KALRN: variants seen among roughly 807,000 people sequenced by gnomAD.
The protein encoded by KALRN is kalirin RhoGEF kinase, also known as kalirin.
In KALRN, 70 loss-of-function variants were observed where a neutral mutation model predicts 353.7. That is an observed-to-expected ratio of 0.20 (90% CI 0.16 to 0.24). The LOEUF (loss-of-function observed/expected upper bound fraction) is 0.24. Ranked by LOEUF, KALRN falls within the 10% of genes least tolerant of loss-of-function variation. The pLI is 1.00. For synonymous variants in KALRN, 1,391 were observed against 1,434.8 expected (o/e 0.97, Z 0.69); for missense variants, 2,791 against 3,756.7 (o/e 0.74, Z 6.72).
intron 34 of KALRN, among the ~76,000 whole-genome samples, chr3:124,619,723 A>G (rs138909147): frequency 8.6e-5 from 13 of 152,026 alleles, no homozygotes; most frequent in African/African-American, 2.9e-4. Context: ...CTAAGCTCAA[A>G]TGATTCGCCC....
chr3:124,613,832 A>G (rs1478730606), intron 34 of KALRN, among the ~76,000 whole-genome samples: 1 of 152,186 alleles, frequency 6.6e-6, no homozygotes, highest in African/African-American at 2.4e-5. Context: ...TTCTGTTTCC[A>G]TTCTTCAGCC....
intron 34 of KALRN, among the ~76,000 whole-genome samples, chr3:124,568,014 T>C (rs1207781352): frequency 6.6e-6 from 1 of 152,104 alleles, no homozygotes; most frequent in Non-Finnish European, 1.5e-5. Context: ...TTAGTGATTC[T>C]GATGTTCCCT....
chr3:124,185,465 C>A (rs558560717), intron 1 of KALRN, among the ~76,000 whole-genome samples: 1 of 152,266 alleles, frequency 6.6e-6, no homozygotes, highest in South Asian at 2.1e-4. Context: ...TCCCTGCTAC[C>A]TTTGTCTTTC....
chr3:124,078,124 C>G (rs1472177475), intron 1 of KALRN, among the ~76,000 whole-genome samples: 4 of 152,216 alleles, frequency 2.6e-5, no homozygotes, highest in Non-Finnish European at 5.9e-5. Context: ...TTGGTGATCT[C>G]TGTGCCTTTG....
chr3:124,387,242 T>C (rs1331486103), intron 11 of KALRN, among the ~76,000 whole-genome samples: 2 of 152,210 alleles, frequency 1.3e-5, no homozygotes, highest in African/African-American at 4.8e-5. Flanking sequence ...AGCTTGGTCG[T>C]GTTTGAACCT....
intron 1 of KALRN, among the ~76,000 whole-genome samples, chr3:124,074,193 G>A (rs2060153978): frequency 6.6e-6 from 1 of 152,150 alleles, no homozygotes; most frequent in Non-Finnish European, 1.5e-5. Context: ...AGACAGAGAT[G>A]CAGTAACAAA....
At chr3:124,640,798 C>T (rs1407691771) in intron 37 of KALRN, among the ~76,000 whole-genome samples, 7 of 152,162 alleles carry the variant, frequency 4.6e-5, no homozygotes, top group African/African-American at 1.7e-4. Context: ...TTGCAAAGAG[C>T]AACTAACTCT....
At chr3:124,602,346 G>A (rs3863070) in intron 34 of KALRN, among the ~76,000 whole-genome samples, 67,097 of 151,848 alleles carry the variant, frequency 0.44, 15,495 homozygotes, top group East Asian at 0.83. Context: ...TCTTATTGTC[G>A]GACCTACCCT....
intron 18 of KALRN, 108 bp downstream of exon 18, chr3:124,439,145 C>G (rs1037454248): frequency 9.6e-7 from 1 of 1,036,646 alleles, no homozygotes; most frequent in East Asian, 2.6e-5. Context: ...CTCTCTTTCT[C>G]TTTCTCTCTC....
At chr3:124,138,333 AAG>A (rs1298084659) in intron 1 of KALRN, among the ~76,000 whole-genome samples, 5 of 152,196 alleles carry the variant, frequency 3.3e-5, no homozygotes, top group Non-Finnish European at 7.3e-5. Flanking sequence ...CTCTGACTAA[AAG>A]AGGGGGAGGG....
At position 124,043,206 on chromosome 3, in the gene KALRN, G is replaced by A. The variant is rs146316901; in HGVS notation, c.73+9393G>A. ...GTGGAATTCAAATTCCAAGGGGAAT[G>A]AGGAGTGAGCGCATGGGGAGGAAGT... On this transcript the variant is annotated intron_variant, in intron 1 of 59. Coordinates refer to ENST00000682506, the MANE Select transcript of KALRN (RefSeq NM_001388419.1). Among the ~76,000 whole-genome samples the A allele has an allele frequency of 1.5e-3, 232 of 152,320 alleles. 1 individual carries two copies. Among genetic ancestry groups the A allele is most frequent in the African/African-American group, 5.2e-3 (215 of 41,562 alleles).
At chr3:124,615,825 G>A (rs1310096823) in intron 34 of KALRN, among the ~76,000 whole-genome samples, 1 of 152,142 alleles carries the variant, frequency 6.6e-6, no homozygotes, top group East Asian at 1.9e-4. Context: ...GAAGAGCACA[G>A]ACTTGGAAAG....
intron 3 of KALRN, among the ~76,000 whole-genome samples, chr3:124,239,585 C>T (rs2080197292): frequency 6.6e-6 from 1 of 152,186 alleles, no homozygotes; most frequent in Non-Finnish European, 1.5e-5. Flanking sequence ...GGTGCCTTTA[C>T]TTGTGGCCTA....
intron 1 of KALRN, among the ~76,000 whole-genome samples, chr3:124,127,180 A>G (rs530209637): frequency 1.3e-5 from 2 of 152,178 alleles, no homozygotes; most frequent in Admixed American, 1.3e-4. Flanking sequence ...TTGCGACTCT[A>G]TTGCTTCTCC....
chr3:124,388,335 AT>A (rs921549986), intron 11 of KALRN, among the ~76,000 whole-genome samples: 167 of 149,654 alleles, frequency 1.1e-3, no homozygotes, highest in African/African-American at 3.8e-3. Flanking sequence ...CTTAGACATC[AT>A]TTTTTTTTTC....
intron 11 of KALRN, among the ~76,000 whole-genome samples, chr3:124,390,472 C>G (rs1444030616): frequency 6.6e-6 from 1 of 152,152 alleles, no homozygotes; most frequent in Non-Finnish European, 1.5e-5. Context: ...CCTCTATCCG[C>G]CAACTCTGGA....
intron 34 of KALRN, among the ~76,000 whole-genome samples, chr3:124,597,280 T>C (rs2149415670): frequency 6.6e-6 from 1 of 152,142 alleles, no homozygotes; most frequent in Non-Finnish European, 1.5e-5. Context: ...CCCGAGTTGG[T>C]CCCAAGTAAA....
At chr3:124,241,116 A>G (rs936118275) in intron 3 of KALRN, among the ~76,000 whole-genome samples, 12 of 152,266 alleles carry the variant, frequency 7.9e-5, no homozygotes, top group African/African-American at 2.4e-4. Flanking sequence ...TCTATCCTCA[A>G]TGCTACCTAG....
Position 124,491,338 on chromosome 3 carries a change from G to A in KALRN, c.4603G>A (p.Val1535Met), listed in dbSNP as rs1179323692. The A allele has an allele frequency of 3.1e-6, 5 of 1,606,490 alleles. No homozygotes were observed. Among genetic ancestry groups the A allele is most frequent in the Admixed American group, 1.7e-5 (1 of 59,246 alleles). Residue 1535 changes from valine (V) to methionine (M), a missense_variant, in exon 31 of 60, where the codon GTG (valine) becomes ATG (methionine). Physicochemically the swap from Val to Met is conservative, Grantham distance 21 (BLOSUM62 1). Transcript: ENST00000682506. ...KNKLLTSELG[V>M]TEHVEGDPCK... is the part of the protein sequence containing the mutation. ...CTGTCTACAGACCTCAGAGCTGGGT[G>A]TGACCGAGCACGTGGAGGGCGATCC...
Sources: allele counts gnomAD v4.1 joint callset (sites outside exome capture counted in the v4.1 genomes callset), GRCh38; gene constraint gnomAD v4.1.1; transcripts MANE v1.5; gene names NCBI Gene and HGNC (gene_info 2026-07-23, HGNC 2026-07-21).